The following ZNF737 variants were observed in gnomAD, a reference collection of about 807,000 sequenced individuals.
ZNF737 encodes the protein zinc finger protein 102 (Y3).
A neutral mutation model predicts 11.7 loss-of-function variants in ZNF737; 13 were observed. The observed-to-expected ratio is 1.11, with a 90% confidence interval of 0.73 to 1.77. The LOEUF is 1.77. Among genes scored for constraint, ZNF737 ranks in the 40% most tolerant of loss-of-function variants. The pLI is 0.00. For missense variants in ZNF737, 636 were observed against 638.0 expected (o/e 1.00, Z 0.03); for synonymous variants, 217 against 216.2 (o/e 1.00, Z -0.03).
At chr19:20,547,401 A>C (rs2562645) in intron 3 of ZNF737, among the ~76,000 whole-genome samples, 67,660 of 140,748 alleles carry the variant, frequency 0.48, 17,144 homozygotes, top group East Asian at 0.63. Context: ...AAAAAAAAAA[A>C]CACCACCTAC....
rs1024096688 is a variant in ZNF737 at position 20,542,240 on chromosome 19, T to C, written c.*2352A>G. ...CACAAATAATCTAACAAACTTTTTT[T>C]TTTTTGAGACAGAGTTTTGCTCTTG... On this transcript the variant is annotated 3_prime_UTR_variant, in exon 4 of 4. Coordinates refer to ENST00000427401, the MANE Select transcript of ZNF737 (RefSeq NM_001159293.2). The C allele has an allele frequency of 4.5e-5, 44 of 972,254 alleles. No individual in the cohort carries two copies. Among genetic ancestry groups the C allele is most frequent in the Admixed American group, 6.2e-5 (1 of 16,232 alleles). 60.2% of individuals were successfully genotyped at this position (972,254 alleles called of 1,614,324 possible).
chr19:20,558,021 T>C lies in ZNF737; in HGVS notation c.4-4186A>G, dbSNP rs760558027. 1.3e-3 allele frequency among the ~76,000 whole-genome samples: 198 copies of C among 152,016 alleles called. 1 individual carries two copies. The highest frequency in any genetic ancestry group is 2.5e-3 in the Non-Finnish European group (167 of 67,962). On this transcript the variant is annotated intron_variant, in intron 1 of 3. Coordinates refer to ENST00000427401, the MANE Select transcript of ZNF737 (RefSeq NM_001159293.2). ...GGCTGATGCCCATAATCCCAGCACT[T>C]TGGGAGGATGATGTGGGTGGATCAC...
chr19:20,561,784 T>G (rs1969108322), intron 1 of ZNF737, among the ~76,000 whole-genome samples: 1 of 151,764 alleles, frequency 6.6e-6, no homozygotes, highest in Non-Finnish European at 1.5e-5. Context: ...ACAAACCCCA[T>G]GGGCTTATCT....
intron 1 of ZNF737, among the ~76,000 whole-genome samples, chr19:20,559,884 T>C (rs1969018421): frequency 6.6e-6 from 1 of 152,092 alleles, no homozygotes; most frequent in Admixed American, 6.5e-5. Context: ...AAATATGGTA[T>C]GGTCAGATGC....
At chr19:20,561,042 C>G (rs1209490486) in intron 1 of ZNF737, among the ~76,000 whole-genome samples, 1 of 152,032 alleles carries the variant, frequency 6.6e-6, no homozygotes, top group Non-Finnish European at 1.5e-5. Context: ...CATGTGTACC[C>G]CAAAACAAAA....
At chr19:20,533,686 C>G (rs1967883985), downstream of ZNF737, among the ~76,000 whole-genome samples, 2 of 150,170 alleles carry the variant, frequency 1.3e-5, no homozygotes, top group African/African-American at 4.9e-5. Context: ...GTGGTATATA[C>G]TGTCCAGGTG....
At chr19:20,548,751 A>ATT (rs112920788) in intron 3 of ZNF737, among the ~76,000 whole-genome samples, 125 of 149,318 alleles carry the variant, frequency 8.4e-4, no homozygotes, top group African/African-American at 2.8e-3. Context: ...TATTATTATT[A>ATT]TTATTTTTTA....
downstream of ZNF737, among the ~76,000 whole-genome samples, chr19:20,531,456 A>T (rs78054153): frequency 8.3e-4 from 123 of 148,396 alleles, 6 homozygotes; most frequent in African/African-American, 2.3e-3. Context: ...TCATTTTGTT[A>T]GTTTGTTTTG....
At chr19:20,559,919 C>A (rs1244402235) in intron 1 of ZNF737, among the ~76,000 whole-genome samples, 1 of 151,990 alleles carries the variant, frequency 6.6e-6, no homozygotes, top group Non-Finnish European at 1.5e-5. Flanking sequence ...GTAATCCCAG[C>A]ACTTTGGGAG....
Position 20,543,691 on chromosome 19 carries a change from C to G in ZNF737, c.*901G>C. 1.0e-6 allele frequency: 1 copy of G among 985,354 alleles called. No individual in the cohort carries two copies. The highest frequency in any genetic ancestry group is 1.2e-6 in the Non-Finnish European group (1 of 829,894). 61.0% of individuals were successfully genotyped at this position (985,354 alleles called of 1,614,324 possible). ...TGGCAACCATATAAAGGCTTTGTCA[C>G]ATTTTATATATTTCTAGGGTTTCAC... On this transcript the variant is annotated 3_prime_UTR_variant, in exon 4 of 4. Transcript: ENST00000427401.
downstream of ZNF737, among the ~76,000 whole-genome samples, chr19:20,530,996 C>T (rs1166820512): frequency 1.3e-5 from 2 of 149,068 alleles, no homozygotes; most frequent in Non-Finnish European, 1.5e-5. Context: ...GATGCTGAGG[C>T]TGGCGGATCA....
rs1555755879 is a variant in ZNF737, at chr19:20,544,627, T to C, written c.1576A>G (p.Thr526Ala). 7 of 1,608,930 alleles carry C rather than the reference T, an allele frequency of 4.4e-6. No individual in the cohort carries two copies. Among genetic ancestry groups the C allele is most frequent in the African/African-American group, 1.3e-5 (1 of 74,922 alleles). Residue 526 changes from threonine (T) to alanine (A), a missense_variant, in exon 4 of 4, where the codon ACA becomes GCA. Thr to Ala is a moderately conservative substitution (Grantham distance 58, BLOSUM62 0). Transcript: ENST00000427401. The part of the protein sequence containing the change: ...KGFKCPSTLT[T>A]HKVIHTGEKL ...TCTCCAGTATGAATTACCTTATGTGTAGTAAGGGTAGAGGGGCACTTAAAG... is the reference window on the plus strand; with the variant it reads ...TCTCCAGTATGAATTACCTTATGTGCAGTAAGGGTAGAGGGGCACTTAAAG...
Position 20,543,835 on chromosome 19 carries a change from T to C in ZNF737, c.*757A>G. On this transcript the variant is annotated 3_prime_UTR_variant, in exon 4 of 4. Coordinates refer to ENST00000427401, the MANE Select transcript of ZNF737 (RefSeq NM_001159293.2). ...AATTATTGCCATGCCTCTTAAGAAT[T>C]GAGAACTTGTGGCTGGGCGTCGTGG... The C allele has an allele frequency of 2.0e-6, 2 of 985,390 alleles. No homozygotes were observed. The highest frequency in any genetic ancestry group is 2.4e-6 in the Non-Finnish European group (2 of 829,930). The allele number at this position is 985,390 out of a possible 1,614,324, so 61.0% of individuals were successfully genotyped here.
chr19:20,563,087 C>G, intron 1 of ZNF737, among the ~76,000 whole-genome samples: 1 of 146,572 alleles, frequency 6.8e-6, no homozygotes. Flanking sequence ...ATTTTTTTAA[C>G]ATAAATTAAT....
rs1384385847 is a variant in ZNF737 at position 20,552,474 on chromosome 19, C to T, written c.226+1G>A. ...CTATATTCATTTTCACTTGCACCTA[C>T]CTGAGGGGTTGGCTACCATCTCATG... is the stretch of plus-strand genomic sequence containing the variant. On this transcript the variant is annotated splice_donor_variant, in intron 3 of 3. Coordinates refer to ENST00000427401, the MANE Select transcript of ZNF737 (RefSeq NM_001159293.2). LOFTEE classifies it high-confidence loss of function. 5 of 1,581,126 alleles carry T rather than the reference C, an allele frequency of 3.2e-6. No individual in the cohort carries two copies. The highest frequency in any genetic ancestry group is 3.4e-6 in the Non-Finnish European group (4 of 1,167,854).
rs1423619203 is a variant in ZNF737 at position 20,540,361 on chromosome 19, C to G, written c.*4231G>C. 1.3e-5 allele frequency among the ~76,000 whole-genome samples: 2 copies of G among 152,070 alleles called. No homozygotes were observed. Among genetic ancestry groups the G allele is most frequent in the African/African-American group, 4.8e-5 (2 of 41,356 alleles). ...TAAGTGATTTCCCACCACAGTCACA[C>G]ATTTTTTTTACACTCAAGAGGAAAG... On this transcript the variant is annotated 3_prime_UTR_variant, in exon 4 of 4. Coordinates refer to ENST00000427401, the MANE Select transcript of ZNF737 (RefSeq NM_001159293.2).
At chr19:20,547,073 A>G (rs1555757215) in intron 3 of ZNF737, among the ~76,000 whole-genome samples, 2 of 152,084 alleles carry the variant, frequency 1.3e-5, no homozygotes, top group African/African-American at 4.8e-5. Flanking sequence ...TGTCAATACA[A>G]CCTACAGTTA....
At chr19:20,562,730 C>T (rs545039145) in intron 1 of ZNF737, among the ~76,000 whole-genome samples, 129 of 152,226 alleles carry the variant, frequency 8.5e-4, no homozygotes, top group African/African-American at 2.9e-3. Context: ...GCTGGGTTTA[C>T]AGGCATGAGC....
chr19:20,544,116 G>A lies in ZNF737; in HGVS notation c.*476C>T. On this transcript the variant is annotated 3_prime_UTR_variant, in exon 4 of 4. Coordinates refer to ENST00000427401, the MANE Select transcript of ZNF737 (RefSeq NM_001159293.2). Reference sequence around the variant, plus strand: ...GTACTCCAGCTTGGATGACAAGCATGAAACTTCATCTCAAAAAAAAAAATA... The same window carrying A: ...GTACTCCAGCTTGGATGACAAGCATAAAACTTCATCTCAAAAAAAAAAATA... 1 of 997,252 alleles carries A rather than the reference G, an allele frequency of 1.0e-6. No homozygotes were observed. Among genetic ancestry groups the A allele is most frequent in the African/African-American group, 1.7e-5 (1 of 57,234 alleles). 61.8% of individuals were successfully genotyped at this position (997,252 alleles called of 1,614,324 possible). A position where few individuals can be genotyped will look rare whatever the true frequency, so the allele number is the denominator to read the frequency against.
Sources: gnomAD v4.1 joint callset for allele counts (sites outside exome capture counted in the v4.1 genomes callset) on GRCh38, gnomAD v4.1.1 for gene constraint, MANE v1.5 for transcripts, NCBI Gene and HGNC (gene_info 2026-07-23, HGNC 2026-07-21) for gene names.